DCN: variants seen among roughly 807,000 people sequenced by gnomAD.
DCN encodes the protein bone proteoglycan II.
In DCN, 17 loss-of-function variants were observed where a neutral mutation model predicts 36.5. That is an observed-to-expected ratio of 0.47 (90% CI 0.32 to 0.70). DCN has a LOEUF of 0.70. Among genes scored for constraint, DCN ranks in the 30% least tolerant of loss-of-function variants. The pLI is 0.04. For missense variants in DCN, 389 were observed against 430.1 expected (o/e 0.90, Z 0.84); for synonymous variants, 163 against 161.4 (o/e 1.01, Z -0.07).
In DCN at chr12:91,178,647, T is replaced by C. The variant is rs1004821307; in HGVS notation, c.-33-62A>G. 1.6e-5 allele frequency: 16 copies of C among 987,370 alleles called. No individual in the cohort carries two copies. In the Admixed American group the frequency reaches 2.4e-4, roughly 15 times the overall value. 61.2% of individuals were successfully genotyped at this position (987,370 alleles called of 1,614,324 possible). The stretch of plus-strand genomic sequence containing the variant: ...TGCCTAATCTGTGTGTCGTTTCTTA[T>C]ATAATATGCCACAATACAGTGAGCA... On this transcript the variant is annotated intron_variant, in intron 1 of 7. Transcript: ENST00000052754.
At chr12:91,174,512 A>T (rs1883175642) in intron 2 of DCN, among the ~76,000 whole-genome samples, 1 of 152,146 alleles carries the variant, frequency 6.6e-6, no homozygotes, top group Non-Finnish European at 1.5e-5. Flanking sequence ...AGGAAATATC[A>T]GAAACAGCCT....
At chr12:91,168,394 C>A (rs926008511) in intron 2 of DCN, among the ~76,000 whole-genome samples, 2 of 152,172 alleles carry the variant, frequency 1.3e-5, no homozygotes, top group Non-Finnish European at 2.9e-5. Flanking sequence ...TTCTTACAGG[C>A]CATAGATGTA....
chr12:91,165,268 G>C (rs1416762327), intron 2 of DCN, among the ~76,000 whole-genome samples: 1 of 152,008 alleles, frequency 6.6e-6, no homozygotes, highest in Non-Finnish European at 1.5e-5. Flanking sequence ...GGTTCTTTTA[G>C]TTTTCATTGG....
intron 2 of DCN, chr12:91,176,056 A>G (rs564510129): frequency 2.6e-5 from 4 of 152,222 alleles, no homozygotes; most frequent in African/African-American, 7.2e-5. Flanking sequence ...AAAGTAAGGA[A>G]GAGTTAGATA....
intron 7 of DCN, among the ~76,000 whole-genome samples, chr12:91,149,101 C>T (rs1292522361): frequency 4.6e-5 from 7 of 151,558 alleles, no homozygotes; most frequent in Non-Finnish European, 7.4e-5. Flanking sequence ...TCTATGGGGT[C>T]AATATTTTCT....
intron 2 of DCN, among the ~76,000 whole-genome samples, chr12:91,165,679 C>T (rs1051414758): frequency 6.6e-6 from 1 of 151,964 alleles, no homozygotes; most frequent in African/African-American, 2.4e-5. Flanking sequence ...TCTATTAACT[C>T]AAATTAATGT....
At position 91,144,418 on chromosome 12, in the gene DCN, T is replaced by C. The variant is rs1194723225; in HGVS notation, c.*1640A>G. The C allele has an allele frequency of 6.6e-6, 1 of 152,068 alleles. No homozygotes were observed. The highest frequency in any genetic ancestry group is 1.5e-5 in the Non-Finnish European group (1 of 67,994). 9.4% of individuals were successfully genotyped at this position (152,068 alleles called of 1,614,324 possible). A position where few individuals can be genotyped will look rare whatever the true frequency, so the allele number is the denominator to read the frequency against. On this transcript the variant is annotated 3_prime_UTR_variant, in exon 8 of 8. Transcript: ENST00000052754. ...TTCCAATAGAAACCACCTATTCAAC[T>C]GTAGTCATGAGAGGAGGATCTCTTG...
chr12:91,160,601 C>T (rs1275972969), intron 3 of DCN, among the ~76,000 whole-genome samples: 1 of 151,778 alleles, frequency 6.6e-6, no homozygotes, highest in African/African-American at 2.4e-5. Context: ...CTTTCTGTGC[C>T]CATTTAAAGG....
chr12:91,167,003 G>A (rs1390011365), intron 2 of DCN, among the ~76,000 whole-genome samples: 2 of 152,050 alleles, frequency 1.3e-5, no homozygotes, highest in Non-Finnish European at 2.9e-5. Context: ...GATAGGTAAG[G>A]CAGTATGGTA....
Position 91,151,735 on chromosome 12 carries a change from C to T in DCN, c.804G>A (p.Thr268=), listed in dbSNP as rs1437403649. 8 of 1,613,912 alleles carry T rather than the reference C, an allele frequency of 5.0e-6. No homozygotes were observed. The highest frequency in any genetic ancestry group is 2.2e-5 in the East Asian group (1 of 44,888). The change falls in exon 7 of 8, where the codon ACG becomes ACA. Residue 268 remains threonine, a synonymous_variant. Coordinates refer to ENST00000052754, the MANE Select transcript of DCN (RefSeq NM_001920.5). ...CCAAGTGAAGCTCCCTCAGATGAGG[C>T]GTGTTGGCCAGAGAGCCATTGTCAA... ...SAVDNGSLAN[T]PHLRELHLDN... is the part of the protein sequence containing the mutation.
At chr12:91,151,618 T>C in intron 7 of DCN, 36 bp downstream of exon 7, 1 of 1,613,398 alleles carries the variant, frequency 6.2e-7, no homozygotes, top group Non-Finnish European at 8.5e-7. Context: ...TCTTGCTTTT[T>C]GGATATTCCT....
At position 91,180,448 on chromosome 12, in the gene DCN, C is replaced by T. The variant is rs1280446931; in HGVS notation, c.-33-1863G>A. The T allele has an allele frequency of 2.6e-5, 4 of 151,892 alleles. No individual in the cohort carries two copies. The East Asian group carries it at 7.7e-4, about 29-fold the overall frequency. The allele number at this position is 151,892 out of a possible 1,614,324, so 9.4% of individuals were successfully genotyped here. A position where few individuals can be genotyped will look rare whatever the true frequency, so the allele number is the denominator to read the frequency against. ...AAGAAAGATCTTTGTATGATCTAAC[C>T]TTAAGGTATCTTCTGGGAATTTTTG... On this transcript the variant is annotated intron_variant, in intron 1 of 7. Coordinates refer to ENST00000052754, the MANE Select transcript of DCN (RefSeq NM_001920.5).
chr12:91,143,728 T>C lies in DCN; in HGVS notation c.*2330A>G, dbSNP rs1000866839. 18 of 151,434 alleles carry C rather than the reference T, an allele frequency of 1.2e-4. No individual in the cohort carries two copies. The highest frequency in any genetic ancestry group is 2.1e-4 in the Non-Finnish European group (14 of 67,908). The allele number at this position is 151,434 out of a possible 1,614,324, so 9.4% of individuals were successfully genotyped here. On this transcript the variant is annotated 3_prime_UTR_variant, in exon 8 of 8. Transcript: ENST00000052754. The stretch of plus-strand genomic sequence containing the variant: ...AACTAGCTTCCCTTAGTCATGCAAA[T>C]AGTAAGTGTCGAAGCCAAAGAAATC...
At chr12:91,179,512 C>T (rs1291532473) in intron 1 of DCN, 3 of 152,176 alleles carry the variant, frequency 2.0e-5, no homozygotes, top group Non-Finnish European at 2.9e-5. Flanking sequence ...CATTATATTG[C>T]AATTTGTTTT....
At chr12:91,179,680 A>T (rs1468246679) in intron 1 of DCN, 1 of 152,152 alleles carries the variant, frequency 6.6e-6, no homozygotes, top group Non-Finnish European at 1.5e-5. Flanking sequence ...TGTTCCAAGC[A>T]ATCAGTCTGA....
At position 91,142,788 on chromosome 12, in the gene DCN, C is replaced by T. The variant is rs1431467424; in HGVS notation, c.*3270G>A. 6.6e-6 allele frequency: 1 copy of T among 152,080 alleles called. No individual in the cohort carries two copies. Among genetic ancestry groups the T allele is most frequent in the African/African-American group, 2.4e-5 (1 of 41,416 alleles). 9.4% of individuals were successfully genotyped at this position (152,080 alleles called of 1,614,324 possible). A position where few individuals can be genotyped will look rare whatever the true frequency, so the allele number is the denominator to read the frequency against. On this transcript the variant is annotated 3_prime_UTR_variant, in exon 8 of 8. Coordinates refer to ENST00000052754, the MANE Select transcript of DCN (RefSeq NM_001920.5). ...GGTCAGAGACAAATTTTTAAGTTTC[C>T]AACCTTTTATGTGAAGCACCCATAA...
Position 91,177,694 on chromosome 12 carries a change from G to C in DCN, c.211+648C>G, listed in dbSNP as rs1883377052. On this transcript the variant is annotated intron_variant, in intron 2 of 7. Coordinates refer to ENST00000052754, the MANE Select transcript of DCN (RefSeq NM_001920.5). The stretch of plus-strand genomic sequence containing the variant: ...AAGATATATGTAACACAATTATATT[G>C]AATATTTACACCATACCTTAGTGAT... The C allele has an allele frequency of 1.4e-5, 10 of 697,356 alleles. No individual in the cohort carries two copies. The East Asian group carries it at 2.7e-4, about 19-fold the overall frequency. The allele number at this position is 697,356 out of a possible 1,614,324, so 43.2% of individuals were successfully genotyped here.
In DCN at chr12:91,151,470, C is replaced by T. The variant is rs941738573; in HGVS notation, c.885+184G>A. ...TCTAAATCAAAAACTTTATTGAAAT[C>T]TAGCTAATGTAAATTGTGCTTCATG... On this transcript the variant is annotated intron_variant, in intron 7 of 7. Coordinates refer to ENST00000052754, the MANE Select transcript of DCN (RefSeq NM_001920.5). 36 of 647,094 alleles carry T rather than the reference C, an allele frequency of 5.6e-5. No homozygotes were observed. The African/African-American group carries it at 6.6e-4, about 12-fold the overall frequency. The allele number at this position is 647,094 out of a possible 1,614,324, so 40.1% of individuals were successfully genotyped here.
chr12:91,156,725 A>T (rs1881803067), intron 5 of DCN, among the ~76,000 whole-genome samples: 1 of 150,368 alleles, frequency 6.7e-6, no homozygotes, highest in Non-Finnish European at 1.5e-5. Context: ...ACACCAAGGC[A>T]TGCTATTTTT....
Sources: gnomAD v4.1 joint callset for allele counts (sites outside exome capture counted in the v4.1 genomes callset) on GRCh38, gnomAD v4.1.1 for gene constraint, MANE v1.5 for transcripts, NCBI Gene and HGNC (gene_info 2026-07-23, HGNC 2026-07-21) for gene names.